MPP7: variants seen among roughly 807,000 people sequenced by gnomAD.
MPP7 encodes MAGUK p55 scaffold protein 7.
In MPP7, 60 loss-of-function variants were observed where a neutral mutation model predicts 76.5. That is an observed-to-expected ratio of 0.78 (90% confidence interval 0.64 to 0.97). MPP7 has a LOEUF of 0.97. Among genes scored for constraint, MPP7 ranks in the 50% least tolerant of loss-of-function variants. The probability of loss-of-function intolerance (pLI) is 0.00; values close to 1 mark genes in which losing one functional copy is unlikely to be tolerated. For missense variants in MPP7, 641 were observed against 694.0 expected (o/e 0.92, Z 0.86); for synonymous variants, 237 against 244.5 (o/e 0.97, Z 0.29).
At chr10:28,188,455 G>A (rs1466420600) in intron 3 of MPP7, among the ~76,000 whole-genome samples, 1 of 152,108 alleles carries the variant, frequency 6.6e-6, no homozygotes. Context: ...CGCATGATAT[G>A]TACTCCTGTG....
At position 28,259,572 on chromosome 10, in the gene MPP7, G is replaced by C. The variant is rs572265549; in HGVS notation, c.-131-20837C>G. On this transcript the variant is annotated intron_variant, in intron 1 of 16. Transcript: ENST00000683449. ...ACTGCACTCCAGCCTGGGTGACAGA[G>C]AGAGACTCCATCAAAAAGAAAAAGA... Among the ~76,000 whole-genome samples the C allele has an allele frequency of 4.5e-4, 67 of 149,010 alleles. 1 individual carries two copies. The South Asian group carries it at 7.5e-3, about 17-fold the overall frequency.
intron 3 of MPP7, 53 bp downstream of exon 3, chr10:28,202,100 A>G (rs916501444): frequency 3.3e-5 from 43 of 1,297,294 alleles, no homozygotes; most frequent in Non-Finnish European, 4.8e-5. Context: ...TGGTGCCCCA[A>G]ATATTTTTCC....
chr10:28,078,014 G>A lies in MPP7; in HGVS notation c.1124-8162C>T, dbSNP rs149903509. ...GATGAGAACACTGAGACAATGAAAG[G>A]TGAGGTAATTTCCCAAAGGTCACAC... On this transcript the variant is annotated intron_variant, in intron 12 of 16. Coordinates refer to ENST00000683449, the MANE Select transcript of MPP7 (RefSeq NM_001318170.2). Among the ~76,000 whole-genome samples, 18 of 152,290 alleles carry A rather than the reference G, an allele frequency of 1.2e-4. No individual in the cohort carries two copies. In the East Asian group the frequency reaches 3.5e-3, roughly 29 times the overall value.
At chr10:28,226,510 G>C (rs1218745023) in intron 2 of MPP7, among the ~76,000 whole-genome samples, 1 of 152,196 alleles carries the variant, frequency 6.6e-6, no homozygotes, top group Non-Finnish European at 1.5e-5. Flanking sequence ...GCCTCCCAAA[G>C]TGCTGGATTA....
At chr10:28,217,537 A>AAAAAAAAAAGAAAAGAAAAGAAAAG (rs1554852920) in intron 2 of MPP7, among the ~76,000 whole-genome samples, 1 of 138,174 alleles carries the variant, frequency 7.2e-6, no homozygotes, top group Non-Finnish European at 1.5e-5. Context: ...AAAAAAAAAA[A>AAAAAAAAAAGAAAAGAAAAGAAAAG]AAAAGAAAAG....
At position 28,089,678 on chromosome 10, in the gene MPP7, GACA is replaced by G. The variant is rs1164895675; in HGVS notation, c.1113_1115del (p.Val372del). 3 of 1,611,370 alleles carry G rather than the reference GACA, an allele frequency of 1.9e-6. No individual in the cohort carries two copies. The highest frequency in any genetic ancestry group is 1.7e-5 in the Admixed American group (1 of 59,380). The stretch of plus-strand genomic sequence containing the variant: ...ACAGAAACAAGCACTTACCAACCAA[GACA>G]ACGAGTCTGTATTTTTCATTAGTTT... On this transcript the variant is annotated inframe_deletion, in exon 12 of 17. Coordinates refer to ENST00000683449, the MANE Select transcript of MPP7 (RefSeq NM_001318170.2).
chr10:28,201,925 T>C lies in MPP7; in HGVS notation c.156+228A>G, dbSNP rs7915875. 4.4e-3 allele frequency among the ~76,000 whole-genome samples: 667 copies of C among 152,242 alleles called. 5 individuals carry two copies. Among genetic ancestry groups the C allele is most frequent in the African/African-American group, 0.015 (608 of 41,524 alleles). On this transcript the variant is annotated intron_variant, in intron 3 of 16. Coordinates refer to ENST00000683449, the MANE Select transcript of MPP7 (RefSeq NM_001318170.2). ...CATATTCTTTCTCTAAACAAGGGGG[T>C]GACCACATGGTTGCTACATTAGTAT...
intron 13 of MPP7, among the ~76,000 whole-genome samples, chr10:28,062,529 T>TG (rs1215459821): frequency 9.3e-6 from 1 of 107,762 alleles, no homozygotes; most frequent in Non-Finnish European, 1.9e-5. Context: ...TCCATAATAG[T>TG]AAACACACAC....
chr10:28,211,405 T>C (rs1040691294), intron 2 of MPP7, among the ~76,000 whole-genome samples: 5 of 151,998 alleles, frequency 3.3e-5, no homozygotes, highest in African/African-American at 1.2e-4. Context: ...ACTCTGATGC[T>C]TTGAGCAACT....
chr10:28,189,089 C>T (rs1837324636), intron 3 of MPP7, among the ~76,000 whole-genome samples: 1 of 152,056 alleles, frequency 6.6e-6, no homozygotes, highest in Non-Finnish European at 1.5e-5. Flanking sequence ...TTGTTTTATT[C>T]TTAATTGATC....
In MPP7 at chr10:28,111,629, T is replaced by C. The variant is rs184626816; in HGVS notation, c.952+8022A>G. Among the ~76,000 whole-genome samples, 20 of 152,334 alleles carry C rather than the reference T, an allele frequency of 1.3e-4. No individual in the cohort carries two copies. In the East Asian group the frequency reaches 3.9e-3, roughly 29 times the overall value. On this transcript the variant is annotated intron_variant, in intron 11 of 16. Transcript: ENST00000683449. ...GTCCTTAACATATCTAAATATCCTG[T>C]AAATTTAACAATAACCTGACAATTA...
chr10:28,143,898 TGTGTGA>T (rs1437897010), intron 5 of MPP7, among the ~76,000 whole-genome samples: 236 of 87,138 alleles, frequency 2.7e-3, no homozygotes, highest in African/African-American at 8.3e-3. Context: ...TGTGTGTGTG[TGTGTGA>T]GACTGAGTTT....
intron 7 of MPP7, among the ~76,000 whole-genome samples, 193 bp downstream of exon 7, chr10:28,124,817 C>T (rs1242098912): frequency 6.6e-6 from 1 of 152,072 alleles, no homozygotes; most frequent in Non-Finnish European, 1.5e-5. Flanking sequence ...TGCTTGTGTA[C>T]AAGAAGACCA....
At chr10:28,166,444 G>A (rs1467097052) in intron 3 of MPP7, among the ~76,000 whole-genome samples, 1 of 89,928 alleles carries the variant, frequency 1.1e-5, no homozygotes, top group Admixed American at 1.7e-4. Context: ...TTCTGGTCTT[G>A]TTGCTCAGGC....
chr10:28,088,936 C>T (rs7897848), intron 12 of MPP7, among the ~76,000 whole-genome samples: 52,344 of 151,948 alleles, frequency 0.34, 12,375 homozygotes, highest in East Asian at 0.95. Flanking sequence ...AGTGCAGTGG[C>T]GCGATCTTGG....
At position 28,051,397 on chromosome 10, in the gene MPP7, A is replaced by G. The variant is rs1053217114; in HGVS notation, c.*2668T>C. 2 of 152,274 alleles carry G rather than the reference A, an allele frequency of 1.3e-5. No individual in the cohort carries two copies. The highest frequency in any genetic ancestry group is 2.9e-5 in the Non-Finnish European group (2 of 68,056). The allele number at this position is 152,274 out of a possible 1,614,324, so 9.4% of individuals were successfully genotyped here. ...AGCCTTAAAGATACCAAGAACTTCC[A>G]TATTGGTCAGTAAAATAAGGGTAAA... On this transcript the variant is annotated 3_prime_UTR_variant, in exon 17 of 17. Coordinates refer to ENST00000683449, the MANE Select transcript of MPP7 (RefSeq NM_001318170.2).
chr10:28,131,773 A>T (rs1001591824), intron 5 of MPP7, 82 bp from the exon 6 acceptor site: 1 of 689,286 alleles, frequency 1.5e-6, no homozygotes, highest in Non-Finnish European at 1.9e-6. Context: ...TTTCAAACAC[A>T]TCAAACTATA....
intron 2 of MPP7, among the ~76,000 whole-genome samples, chr10:28,322,917 G>T (rs1834380071): frequency 6.6e-6 from 1 of 152,106 alleles, no homozygotes; most frequent in Non-Finnish European, 1.5e-5. Flanking sequence ...ACTCTGGGAG[G>T]TCGAGACAGG....
At chr10:28,133,657 T>C (rs993434159) in intron 5 of MPP7, among the ~76,000 whole-genome samples, 4 of 152,118 alleles carry the variant, frequency 2.6e-5, no homozygotes, top group African/African-American at 9.7e-5. Context: ...TAGTATAAAT[T>C]TCAAAAATGA....
Sources: allele counts gnomAD v4.1 joint callset (sites outside exome capture counted in the v4.1 genomes callset), GRCh38; gene constraint gnomAD v4.1.1; transcripts MANE v1.5; gene names NCBI Gene and HGNC (gene_info 2026-07-23, HGNC 2026-07-21).